The following DSCAM variants were observed in gnomAD, a reference collection of about 807,000 sequenced individuals.
The protein encoded by DSCAM is DS cell adhesion molecule.
DSCAM carries 47 observed loss-of-function variants against 217.7 expected under a neutral mutation model. The ratio of observed to expected loss-of-function variants is 0.22; its 90% CI spans 0.17 to 0.28. DSCAM has a LOEUF of 0.28. Among genes scored for constraint, DSCAM ranks in the 10% least tolerant of loss-of-function variants. DSCAM has a pLI of 1.00. For missense variants in DSCAM, 2,080 were observed against 2,618.3 expected, an observed-to-expected ratio of 0.79 and a Z score of 4.49; for synonymous variants, 1,056 against 1,015.3, an observed-to-expected ratio of 1.04 and a Z score of -0.76.
At chr21:40,349,501 T>A (rs975028440) in intron 5 of DSCAM, among the ~76,000 whole-genome samples, 2 of 152,320 alleles carry the variant, frequency 1.3e-5, no homozygotes. Context: ...ATGCCAAGGA[T>A]GAGGTTAAAC....
chr21:40,124,208 T>C lies in DSCAM; in HGVS notation c.3683A>G (p.His1228Arg). The C allele has an allele frequency of 1.2e-6, 2 of 1,613,504 alleles. No homozygotes were observed. Among genetic ancestry groups the C allele is most frequent in the South Asian group, 1.1e-5 (1 of 91,052 alleles). ...TTACCAACTTACTGTGGGATAGGGG[T>C]GGGAGCAGAATACAGTGTACTTTCG... ...IIRKYTVFCS[H>R]PYPTVISEFE... is the part of the protein sequence containing the mutation. The change falls in exon 20 of 33, where the codon CAC becomes CGC. Residue 1228 changes from histidine to arginine, a missense_variant. Transcript: ENST00000400454.
intron 11 of DSCAM, among the ~76,000 whole-genome samples, chr21:40,207,868 A>G (rs2091143295): frequency 6.6e-6 from 1 of 152,076 alleles, no homozygotes. Context: ...GGGTCCTCAC[A>G]CGGTCACTCC....
intron 15 of DSCAM, among the ~76,000 whole-genome samples, chr21:40,172,506 CTGT>C (rs1264459630): frequency 6.6e-6 from 1 of 152,228 alleles, no homozygotes; most frequent in East Asian, 1.9e-4. Flanking sequence ...CCTGGCTACG[CTGT>C]CTCTGCTTCT....
At chr21:40,129,689 G>C (rs2090135422) in intron 19 of DSCAM, among the ~76,000 whole-genome samples, 1 of 152,198 alleles carries the variant, frequency 6.6e-6, no homozygotes, top group Non-Finnish European at 1.5e-5. Context: ...TAGAGCACTG[G>C]AATCTTGAGC....
chr21:40,517,117 TTA>T (rs1433628036), intron 3 of DSCAM, among the ~76,000 whole-genome samples: 1 of 147,920 alleles, frequency 6.8e-6, no homozygotes, highest in East Asian at 2.0e-4. Flanking sequence ...CACACATACC[TTA>T]TGTGTATATA....
chr21:40,819,459 T>A (rs2091909295), intron 1 of DSCAM, among the ~76,000 whole-genome samples: 1 of 152,182 alleles, frequency 6.6e-6, no homozygotes, highest in African/African-American at 2.4e-5. Context: ...GCCAAACACA[T>A]AATGGTTGTG....
At chr21:40,745,378 G>C (rs1418474606) in intron 1 of DSCAM, among the ~76,000 whole-genome samples, 1 of 152,022 alleles carries the variant, frequency 6.6e-6, no homozygotes. Flanking sequence ...AAAAAGCAAA[G>C]ATAAAGAAGA....
chr21:40,202,091 G>A (rs912874662), intron 11 of DSCAM, among the ~76,000 whole-genome samples: 11 of 152,250 alleles, frequency 7.2e-5, no homozygotes, highest in African/African-American at 2.6e-4. Context: ...AGCCTGCCAT[G>A]ATATCACCAG....
At chr21:40,502,343 T>C (rs541132232) in intron 3 of DSCAM, among the ~76,000 whole-genome samples, 1 of 152,168 alleles carries the variant, frequency 6.6e-6, no homozygotes, top group African/African-American at 2.4e-5. Flanking sequence ...ATGGATTTTA[T>C]CTAATTTGAT....
chr21:40,814,022 G>C (rs1224491088), intron 1 of DSCAM, among the ~76,000 whole-genome samples: 1 of 152,076 alleles, frequency 6.6e-6, no homozygotes, highest in East Asian at 1.9e-4. Context: ...TGAATCTTTT[G>C]GTCTCTTGCA....
intron 3 of DSCAM, among the ~76,000 whole-genome samples, chr21:40,420,490 G>A (rs1296251791): frequency 6.6e-6 from 1 of 152,140 alleles, no homozygotes; most frequent in Non-Finnish European, 1.5e-5. Context: ...AAACTTTATG[G>A]AGCAAGCAGG....
chr21:40,187,187 C>G lies in DSCAM; in HGVS notation c.2723G>C (p.Gly908Ala). Residue 908 changes from glycine (G) to alanine (A), a missense_variant, in exon 14 of 33, where the codon GGG (glycine) becomes GCG (alanine). By Grantham distance (60) the Gly-to-Ala change is moderately conservative. Around this residue, in one of 5 missense-constraint regions of DSCAM, gnomAD observed 1,144 missense variants for 1,421.1 expected, o/e 0.81. Transcript: ENST00000400454. ...TGTGATGGGACTGTTTCCATCAAAC[C>G]CCATGGTCCACCTGAGCGTAATTGT... is the stretch of plus-strand genomic sequence containing the variant. The part of the protein sequence containing the change: ...ARTITLRWTM[G>A]FDGNSPITGY... The G allele has an allele frequency of 6.2e-7, 1 of 1,614,120 alleles. No individual in the cohort carries two copies. The highest frequency in any genetic ancestry group is 1.1e-5 in the South Asian group (1 of 91,080).
At chr21:40,298,084 CTTTT>C (rs59908038) in intron 9 of DSCAM, among the ~76,000 whole-genome samples, 8 of 132,654 alleles carry the variant, frequency 6.0e-5, no homozygotes, top group South Asian at 4.8e-4. Context: ...TTAGCTTTTA[CTTTT>C]TTTTTTTTTT....
chr21:40,297,088 C>T lies in DSCAM; in HGVS notation c.2063-914G>A, dbSNP rs1206228663. On this transcript the variant is annotated intron_variant, in intron 9 of 32. Coordinates refer to ENST00000400454, the MANE Select transcript of DSCAM (RefSeq NM_001389.5). ...TGCCAGATGTCAGCACCACGGTGGG[C>T]CAAAGGGGGACTGTGGAGAGTAGTT... Among the ~76,000 whole-genome samples the T allele has an allele frequency of 2.0e-5, 3 of 151,976 alleles. No individual in the cohort carries two copies. The South Asian group carries it at 6.2e-4, about 32-fold the overall frequency.
rs2090333693 is a variant in DSCAM at position 40,144,653 on chromosome 21, A to T, written c.3097T>A (p.Phe1033Ile). ...GYREYSTGGN[F>I]QFNIISVDTS... is the part of the protein sequence containing the mutation. The stretch of plus-strand genomic sequence containing the variant: ...TCGACACTGATAATGTTGAATTGGA[A>T]GTTACCCCCAGTGCTGTACTCTCGG... The change falls in exon 17 of 33, where the codon TTC becomes ATC. Residue 1033 changes from phenylalanine (F) to isoleucine (I), a missense_variant. Physicochemically the swap from Phe to Ile is conservative, Grantham distance 21. Around this residue, in one of 5 missense-constraint regions of DSCAM, gnomAD observed 1,144 missense variants for 1,421.1 expected, o/e 0.81. Coordinates refer to ENST00000400454, the MANE Select transcript of DSCAM (RefSeq NM_001389.5). The surrounding 1 kb of genome is among the most constrained non-coding windows in gnomAD (Gnocchi z 4.8). 6.2e-7 allele frequency: 1 copy of T among 1,614,084 alleles called. No homozygotes were observed.
intron 8 of DSCAM, among the ~76,000 whole-genome samples, chr21:40,314,016 A>C (rs1248508147): frequency 6.6e-6 from 1 of 152,224 alleles, no homozygotes; most frequent in African/African-American, 2.4e-5. Flanking sequence ...CCATTCATTC[A>C]TTTATTTGTT....
chr21:40,479,751 GA>G (rs975786868), intron 3 of DSCAM, among the ~76,000 whole-genome samples: 63 of 152,226 alleles, frequency 4.1e-4, no homozygotes, highest in African/African-American at 1.3e-3. Context: ...TTTGGGTGGG[GA>G]CACAGCCAGA....
intron 2 of DSCAM, 53 bp from the exon 3 acceptor site, chr21:40,693,009 TGA>T (rs2090554820): frequency 4.4e-6 from 7 of 1,573,184 alleles, no homozygotes; most frequent in Admixed American, 3.4e-5. Context: ...AGGCTCATTC[TGA>T]GAGTATCTCA....
chr21:40,414,482 T>C (rs899486984), intron 3 of DSCAM, among the ~76,000 whole-genome samples: 1 of 152,210 alleles, frequency 6.6e-6, no homozygotes, highest in Non-Finnish European at 1.5e-5. Context: ...TGTGAAGAAC[T>C]GAGACAACTA....
Sources: allele counts gnomAD v4.1 joint callset (sites outside exome capture counted in the v4.1 genomes callset), GRCh38; gene constraint gnomAD v4.1.1; regional missense constraint gnomAD v4.1.1; non-coding constraint Gnocchi (gnomAD v3.1); transcripts MANE v1.5; gene names NCBI Gene and HGNC (gene_info 2026-07-23, HGNC 2026-07-21).